The following POLR1A variants were observed in gnomAD, a reference collection of about 807,000 sequenced individuals.
POLR1A encodes DNA-directed RNA polymerase I subunit RPA1.
Under a neutral mutation model 205.3 loss-of-function variants are expected in POLR1A, and 84 were observed. The observed-to-expected ratio is 0.41, with a 90% CI of 0.34 to 0.49. The LOEUF is 0.49. Among genes scored for constraint, POLR1A ranks in the 20% least tolerant of loss-of-function variants. The pLI is 0.22. For missense variants in POLR1A, 1,645 were observed against 2,204.5 expected (o/e 0.75, Z 5.08); for synonymous variants, 799 against 863.7 (o/e 0.93, Z 1.31).
At chr2:86,032,649 TAAAAA>T (rs201957767) in intron 28 of POLR1A, among the ~76,000 whole-genome samples, 1 of 149,140 alleles carries the variant, frequency 6.7e-6, no homozygotes, top group Non-Finnish European at 1.5e-5. Context: ...TCCCAAAAAT[TAAAAA>T]AAAAAGTGCC....
intron 14 of POLR1A, among the ~76,000 whole-genome samples, chr2:86,058,285 G>A (rs920950428): frequency 6.6e-6 from 1 of 151,942 alleles, no homozygotes; most frequent in African/African-American, 2.4e-5. Flanking sequence ...ATTTTTAGTA[G>A]AGACAGGGTT....
At chr2:86,087,869 A>G (rs1270599985) in intron 6 of POLR1A, among the ~76,000 whole-genome samples, 6 of 152,188 alleles carry the variant, frequency 3.9e-5, no homozygotes, top group Non-Finnish European at 7.4e-5. Flanking sequence ...ACCCTGGAAC[A>G]CTGATGACAT....
chr2:86,045,244 C>T, intron 21 of POLR1A, 34 bp downstream of exon 21: 1 of 1,399,496 alleles, frequency 7.1e-7, no homozygotes, highest in African/African-American at 1.4e-5. Flanking sequence ...GGCCCTGGCA[C>T]TCTACCTCAA....
chr2:86,028,583 G>A lies in POLR1A; in HGVS notation c.4897+11C>T, dbSNP rs747429086. The A allele has an allele frequency of 1.2e-4, 194 of 1,598,684 alleles. No individual in the cohort carries two copies. The highest frequency in any genetic ancestry group is 1.6e-4 in the Non-Finnish European group (188 of 1,166,066). On this transcript the variant is annotated intron_variant, in intron 32 of 33. Transcript: ENST00000263857. The surrounding 1 kb of genome is among the most constrained non-coding windows in gnomAD (Gnocchi z 4.5). Reference sequence around the variant, plus strand: ...CCAGACCTCGGGGTGTTATCTGCAAGCTCCCCTTACCATACACGGCAAACA... The same window carrying A: ...CCAGACCTCGGGGTGTTATCTGCAAACTCCCCTTACCATACACGGCAAACA...
intron 16 of POLR1A, among the ~76,000 whole-genome samples, chr2:86,052,434 T>C (rs1255826855): frequency 6.6e-6 from 1 of 152,192 alleles, no homozygotes; most frequent in African/African-American, 2.4e-5. Context: ...GGTGCCATTC[T>C]GCACTGTGAA....
At chr2:86,043,265 A>C in intron 22 of POLR1A, 70 bp from the exon 23 acceptor site, 1 of 1,319,822 alleles carries the variant, frequency 7.6e-7, no homozygotes, top group Non-Finnish European at 1.1e-6. Flanking sequence ...GGGCGTGACA[A>C]GAGGGCCATG....
At chr2:86,045,995 G>A (rs186308263) in intron 19 of POLR1A, among the ~76,000 whole-genome samples, 2 of 152,290 alleles carry the variant, frequency 1.3e-5, no homozygotes, top group Admixed American at 1.3e-4. Context: ...GGGGTCAGTT[G>A]AAAATGGGTG....
Position 86,070,702 on chromosome 2 carries a change from C to G in POLR1A, c.1612-430G>C, listed in dbSNP as rs1026566931. Among the ~76,000 whole-genome samples, 5 of 111,322 alleles carry G rather than the reference C, an allele frequency of 4.5e-5. No homozygotes were observed. The highest frequency in any genetic ancestry group is 1.1e-4 in the African/African-American group (3 of 28,052). 73.0% of individuals were successfully genotyped at this position (111,322 alleles called of 152,430 possible). A position where few individuals can be genotyped will look rare whatever the true frequency, so the allele number is the denominator to read the frequency against. ...CATTGGCAGACTTTCGAATCCCCCCCCCGCCGTGATCACATGTGAGTACAT... is the reference window on the plus strand; with the variant it reads ...CATTGGCAGACTTTCGAATCCCCCCGCCGCCGTGATCACATGTGAGTACAT... On this transcript the variant is annotated intron_variant, in intron 12 of 33. Transcript: ENST00000263857. This position sits in a 1 kb window ranked among gnomAD's most constrained non-coding sequence, Gnocchi z 4.4.
chr2:86,068,386 C>CGGGGGGGGGGGGGGGGGGGGGGGGGGG (rs543719645), intron 13 of POLR1A, among the ~76,000 whole-genome samples: 1 of 12,224 alleles, frequency 8.2e-5, no homozygotes, highest in African/African-American at 4.5e-4. Context: ...AGCACATGGG[C>CGGGGGGGGGGGGGGGGGGGGGGGGGGG]GGGGGGGGGG....
At position 86,080,985 on chromosome 2, in the gene POLR1A, G is replaced by A; in HGVS notation, c.924-7C>T. 2 of 1,604,730 alleles carry A rather than the reference G, an allele frequency of 1.2e-6. No individual in the cohort carries two copies. Among genetic ancestry groups the A allele is most frequent in the Non-Finnish European group, 1.7e-6 (2 of 1,175,172 alleles). ...GCGACTGACTGGGCGATACCTGCAG[G>A]GGGACATACGGAATAAATGAATGTT... On this transcript the variant is annotated splice_polypyrimidine_tract_variant and splice_region_variant and intron_variant, in intron 8 of 33. Coordinates refer to ENST00000263857, the MANE Select transcript of POLR1A (RefSeq NM_015425.6).
In POLR1A at chr2:86,031,392, G is replaced by A. The variant is rs1483446568; in HGVS notation, c.4516C>T (p.Arg1506Cys). 7.5e-6 allele frequency: 12 copies of A among 1,607,922 alleles called. 1 individual carries two copies. The highest frequency in any genetic ancestry group is 2.7e-5 in the African/African-American group (2 of 74,678). ...EAMERRVQAV[R>C]EIHPFIDDYQ... is the part of the protein sequence containing the mutation. ...TCATCTATGAACGGGTGGATCTCAC[G>A]CACAGCCTGGACCCGGCGCTCCATG... Residue 1506 changes from arginine to cysteine, a missense_variant, in exon 30 of 34, where the codon CGT becomes TGT. Physicochemically the swap from Arg to Cys is radical, Grantham distance 180. Transcript: ENST00000263857.
intron 26 of POLR1A, 163 bp from the exon 27 acceptor site, chr2:86,039,020 G>A: frequency 1.5e-6 from 1 of 687,024 alleles, no homozygotes; most frequent in Non-Finnish European, 2.4e-6. Flanking sequence ...ATCTGCTGGG[G>A]GGCCCACAGC....
rs531188832 is a variant in POLR1A, at chr2:86,055,118, A to C, written c.2059-829T>G. ...GAGACCATCCTGGCCAACATGGTGA[A>C]ACCCCATCTCTACTAAAAATACAAA... On this transcript the variant is annotated intron_variant, in intron 14 of 33. Transcript: ENST00000263857. 2.6e-5 allele frequency among the ~76,000 whole-genome samples: 4 copies of C among 152,348 alleles called. No individual in the cohort carries two copies. The South Asian group carries it at 8.3e-4, about 32-fold the overall frequency.
intron 3 of POLR1A, among the ~76,000 whole-genome samples, chr2:86,094,120 G>A (rs1044953967): frequency 7.2e-5 from 11 of 152,150 alleles, no homozygotes; most frequent in Non-Finnish European, 1.5e-5. Flanking sequence ...ATAAAGGGGT[G>A]ACTGCCAGGC....
At chr2:86,030,719 A>G (rs942120555) in intron 30 of POLR1A, among the ~76,000 whole-genome samples, 1 of 152,236 alleles carries the variant, frequency 6.6e-6, no homozygotes, top group Admixed American at 6.5e-5. Flanking sequence ...TCACGCGTGC[A>G]ATCCCATCAG....
chr2:86,093,595 A>G (rs527560823), intron 3 of POLR1A, among the ~76,000 whole-genome samples: 1 of 152,330 alleles, frequency 6.6e-6, no homozygotes, highest in East Asian at 1.9e-4. Flanking sequence ...TGGGAGGCTG[A>G]GCCAGGTGGA....
chr2:86,088,679 A>T lies in POLR1A; in HGVS notation c.627-10T>A, dbSNP rs1288735095. 1.2e-6 allele frequency: 2 copies of T among 1,611,604 alleles called. No homozygotes were observed. The highest frequency in any genetic ancestry group is 2.7e-5 in the African/African-American group (2 of 74,910). On this transcript the variant is annotated splice_polypyrimidine_tract_variant and intron_variant, in intron 5 of 33. Coordinates refer to ENST00000263857, the MANE Select transcript of POLR1A (RefSeq NM_015425.6). ...AACGGATCGCCCGGTCCTGTGCAGG[A>T]GGACAGTTGTGATTGAAGAGAGAAA...
rs11350157 is a variant in POLR1A, at chr2:86,058,398, C to CTT, written c.2059-4111_2059-4110dup. 4.9e-4 allele frequency among the ~76,000 whole-genome samples: 59 copies of CTT among 120,074 alleles called. 1 individual carries two copies. In the East Asian group the frequency reaches 7.3e-3, roughly 15 times the overall value. The allele number at this position is 120,074 out of a possible 152,430, so 78.8% of individuals were successfully genotyped here. The stretch of plus-strand genomic sequence containing the variant: ...ACAGGTGTGAGCCACCTCACCCAGC[C>CTT]TTTTTTTTTTTTTTTTTTTTTTAAA... On this transcript the variant is annotated intron_variant, in intron 14 of 33. Transcript: ENST00000263857.
intron 14 of POLR1A, among the ~76,000 whole-genome samples, chr2:86,057,979 G>C (rs1023888415): frequency 2.0e-5 from 3 of 152,000 alleles, no homozygotes; most frequent in Admixed American, 2.0e-4. Context: ...CTGTCACCTA[G>C]GCTAGAGTGC....
Sources: allele counts gnomAD v4.1 joint callset (sites outside exome capture counted in the v4.1 genomes callset), GRCh38; gene constraint gnomAD v4.1.1; non-coding constraint Gnocchi (gnomAD v3.1); transcripts MANE v1.5; gene names NCBI Gene and HGNC (gene_info 2026-07-23, HGNC 2026-07-21).